Variants in GPC5 observed in about 807,000 individuals in gnomAD.
GPC5 encodes the protein glypican-5.
Under a neutral mutation model 53.9 loss-of-function variants are expected in GPC5, and 47 were observed. That is an observed-to-expected ratio of 0.87 (90% CI 0.69 to 1.11). The LOEUF is 1.11. Among genes scored for constraint, GPC5 ranks in the 50% most tolerant of loss-of-function variants. The probability of loss-of-function intolerance (pLI) is 0.00; values close to 1 mark genes in which losing one functional copy is unlikely to be tolerated. For missense variants in GPC5, 748 were observed against 713.1 expected (o/e 1.05, Z -0.56); for synonymous variants, 286 against 263.3 (o/e 1.09, Z -0.84).
intron 1 of GPC5, among the ~76,000 whole-genome samples, chr13:91,425,906 A>G (rs1195992780): frequency 6.6e-6 from 1 of 152,138 alleles, no homozygotes; most frequent in Non-Finnish European, 1.5e-5. Context: ...GATGTGAACA[A>G]GGAAGTCTAG....
At chr13:92,860,826 G>T (rs908923139) in intron 7 of GPC5, among the ~76,000 whole-genome samples, 2 of 151,986 alleles carry the variant, frequency 1.3e-5, no homozygotes, top group African/African-American at 4.8e-5. Flanking sequence ...TACAGTCTGA[G>T]TTGCTGCAAT....
chr13:92,094,968 C>T (rs1160120915), intron 6 of GPC5, among the ~76,000 whole-genome samples: 1 of 151,898 alleles, frequency 6.6e-6, no homozygotes, highest in Non-Finnish European at 1.5e-5. Flanking sequence ...ATGTAGTTTT[C>T]AAAGATGCTT....
intron 7 of GPC5, among the ~76,000 whole-genome samples, chr13:92,371,183 A>G (rs1357685835): frequency 6.6e-6 from 1 of 151,910 alleles, no homozygotes; most frequent in African/African-American, 2.4e-5. Context: ...AAACAAAAAG[A>G]CCTTCTTGTT....
At chr13:92,693,135 C>A (rs1041012689) in intron 7 of GPC5, among the ~76,000 whole-genome samples, 1 of 152,070 alleles carries the variant, frequency 6.6e-6, no homozygotes, top group Non-Finnish European at 1.5e-5. Context: ...GAGGCCTTCC[C>A]AGCCATACAG....
chr13:92,466,030 T>C (rs975942460), intron 7 of GPC5, among the ~76,000 whole-genome samples: 2 of 151,968 alleles, frequency 1.3e-5, no homozygotes, highest in Non-Finnish European at 2.9e-5. Flanking sequence ...GATTTCAAAA[T>C]TGCTAGAAGA....
At chr13:91,913,545 A>C (rs141847639) in intron 6 of GPC5, among the ~76,000 whole-genome samples, 1,659 of 152,240 alleles carry the variant, frequency 0.011, 12 homozygotes, top group African/African-American at 0.021. Context: ...CCCCCTCAAA[A>C]AAAAGCTGGG....
chr13:92,566,293 T>C (rs1311693739), intron 7 of GPC5, among the ~76,000 whole-genome samples: 1 of 152,126 alleles, frequency 6.6e-6, no homozygotes, highest in Non-Finnish European at 1.5e-5. Flanking sequence ...GCACCTGTCA[T>C]CTTCTCATGA....
chr13:92,722,434 C>A (rs1397657376), intron 7 of GPC5, among the ~76,000 whole-genome samples: 1 of 151,724 alleles, frequency 6.6e-6, no homozygotes, highest in East Asian at 1.9e-4. Flanking sequence ...AACCTATTGG[C>A]AGAAAAAGGG....
chr13:92,027,594 G>A (rs2040810367), intron 6 of GPC5, among the ~76,000 whole-genome samples: 2 of 151,978 alleles, frequency 1.3e-5, no homozygotes, highest in South Asian at 4.1e-4. Flanking sequence ...TAAGTCTCTG[G>A]GGTAGGGATT....
chr13:91,807,293 G>T (rs907734852), intron 5 of GPC5, among the ~76,000 whole-genome samples: 2 of 152,084 alleles, frequency 1.3e-5, no homozygotes, highest in African/African-American at 4.8e-5. Flanking sequence ...TGTTTTTTCA[G>T]TTATCATAAA....
chr13:92,386,192 C>T (rs1226889701), intron 7 of GPC5, among the ~76,000 whole-genome samples: 1 of 151,986 alleles, frequency 6.6e-6, no homozygotes. Flanking sequence ...TTTTTAAACT[C>T]ATGATGGAGA....
At chr13:91,878,199 TA>T (rs2039225237) in intron 5 of GPC5, among the ~76,000 whole-genome samples, 1 of 152,224 alleles carries the variant, frequency 6.6e-6, no homozygotes, top group African/African-American at 2.4e-5. Flanking sequence ...GTTTGTGTAA[TA>T]ATATGAGTTT....
At chr13:92,759,274 G>T (rs1436635664) in intron 7 of GPC5, among the ~76,000 whole-genome samples, 3 of 150,836 alleles carry the variant, frequency 2.0e-5, no homozygotes, top group Admixed American at 2.0e-4. Context: ...ATCTATTTCT[G>T]TGAAGATTCC....
intron 7 of GPC5, among the ~76,000 whole-genome samples, chr13:92,277,542 A>T (rs1424192387): frequency 6.6e-6 from 1 of 152,032 alleles, no homozygotes; most frequent in Non-Finnish European, 1.5e-5. Flanking sequence ...TCAAGAGTAT[A>T]TGTAAATTGA....
In GPC5 at chr13:92,026,917, T is replaced by C. The variant is rs529732608; in HGVS notation, c.1402-117913T>C. Among the ~76,000 whole-genome samples the C allele has an allele frequency of 2.1e-3, 324 of 152,264 alleles. 1 individual carries two copies. Among genetic ancestry groups the C allele is most frequent in the Non-Finnish European group, 3.2e-3 (220 of 67,976 alleles). ...TGTCAAGTGATTTGTTTTGATTCCA[T>C]GGGTATTTAGCAATTTTAACAGAAT... On this transcript the variant is annotated intron_variant, in intron 6 of 7. Coordinates refer to ENST00000377067, the MANE Select transcript of GPC5 (RefSeq NM_004466.6).
At chr13:92,827,724 C>T (rs975037553) in intron 7 of GPC5, among the ~76,000 whole-genome samples, 2 of 152,048 alleles carry the variant, frequency 1.3e-5, no homozygotes, top group Admixed American at 1.3e-4. Context: ...TTGGAAGCTA[C>T]AGTAGCTGAA....
chr13:92,826,252 G>A (rs1877843190), intron 7 of GPC5, among the ~76,000 whole-genome samples: 1 of 152,068 alleles, frequency 6.6e-6, no homozygotes, highest in Admixed American at 6.6e-5. Context: ...TATTCTGGGA[G>A]GGCCTTACTT....
intron 6 of GPC5, among the ~76,000 whole-genome samples, chr13:91,918,597 G>A (rs909827802): frequency 6.6e-6 from 1 of 152,086 alleles, no homozygotes; most frequent in African/African-American, 2.4e-5. Context: ...ACACACTTCT[G>A]TCTGATTGCT....
chr13:91,835,291 G>A (rs1425313381), intron 5 of GPC5, among the ~76,000 whole-genome samples: 3 of 152,130 alleles, frequency 2.0e-5, no homozygotes, highest in Admixed American at 6.6e-5. Context: ...GTTGGTGGGA[G>A]TGTAAGTAAG....
Sources: allele counts gnomAD v4.1 joint callset (sites outside exome capture counted in the v4.1 genomes callset), GRCh38; gene constraint gnomAD v4.1.1; transcripts MANE v1.5; gene names NCBI Gene and HGNC (gene_info 2026-07-23, HGNC 2026-07-21).